Variants in SHISAL2A observed in about 807,000 individuals in gnomAD.
SHISAL2A encodes the protein protein shisa-like-2A.
SHISAL2A carries 18 observed loss-of-function variants against 11.5 expected under a neutral mutation model. The observed-to-expected ratio is 1.57, with a 90% CI of 1.08 to 2.33. SHISAL2A has a LOEUF of 2.33. Among genes scored for constraint, SHISAL2A ranks in the 30% most tolerant of loss-of-function variants. The probability of loss-of-function intolerance (pLI) is 0.00; values close to 1 mark genes in which losing one functional copy is unlikely to be tolerated. For synonymous variants in SHISAL2A, 94 were observed against 99.6 expected, an observed-to-expected ratio of 0.94 and a Z score of 0.34; for missense variants, 261 against 250.9, an observed-to-expected ratio of 1.04 and a Z score of -0.27.
At chr1:52,660,194 G>C (rs1014682662), downstream of SHISAL2A, among the ~76,000 whole-genome samples, 2 of 152,134 alleles carry the variant, frequency 1.3e-5, no homozygotes, top group Non-Finnish European at 2.9e-5. Flanking sequence ...AGAGAGATGT[G>C]GGGGAGACCG....
At chr1:52,657,152 A>G (rs1404163993), downstream of SHISAL2A, 2 of 1,398,452 alleles carry the variant, frequency 1.4e-6, no homozygotes, top group Non-Finnish European at 1.9e-6. Context: ...CTCCCAGCAA[A>G]GATACCCAGC....
At chr1:52,654,943 G>C (rs1691757631) in intron 2 of SHISAL2A, among the ~76,000 whole-genome samples, 1 of 152,192 alleles carries the variant, frequency 6.6e-6, no homozygotes, top group Non-Finnish European at 1.5e-5. Flanking sequence ...AGCACTTTGG[G>C]AGGCCCAGGT....
intron 1 of SHISAL2A, among the ~76,000 whole-genome samples, chr1:52,637,825 A>G (rs1007490765): frequency 5.9e-5 from 9 of 152,156 alleles, no homozygotes; most frequent in African/African-American, 1.7e-4. Context: ...TGTCCCTCCA[A>G]TTCTTTCTTA....
At chr1:52,662,784 T>C (rs902732930) in intron 4 of SHISAL2A, among the ~76,000 whole-genome samples, 3 of 152,176 alleles carry the variant, frequency 2.0e-5, no homozygotes, top group Non-Finnish European at 4.4e-5. Flanking sequence ...TCCTGGGCTC[T>C]AGGAACAAAG....
intron 2 of SHISAL2A, among the ~76,000 whole-genome samples, chr1:52,647,260 G>C (rs563694227): frequency 6.6e-6 from 1 of 152,116 alleles, no homozygotes; most frequent in Non-Finnish European, 1.5e-5. Flanking sequence ...GAAAAACAAA[G>C]TTACATATTG....
intron 1 of SHISAL2A, 67 bp from the exon 2 acceptor site, chr1:52,642,796 C>T (rs1691396313): frequency 6.6e-7 from 1 of 1,523,572 alleles, no homozygotes; most frequent in Non-Finnish European, 9.1e-7. Flanking sequence ...AGCTACAACA[C>T]TTTTATAACA....
At chr1:52,663,676 G>A (rs1478396420) in intron 4 of SHISAL2A, among the ~76,000 whole-genome samples, 5 of 152,136 alleles carry the variant, frequency 3.3e-5, no homozygotes, top group African/African-American at 1.2e-4. Flanking sequence ...CAGGAGAATC[G>A]CTTGAACCTG....
intron 2 of SHISAL2A, among the ~76,000 whole-genome samples, chr1:52,644,754 A>C (rs1434431781): frequency 6.6e-6 from 1 of 151,850 alleles, no homozygotes; most frequent in Non-Finnish European, 1.5e-5. Context: ...GCAGTGGCTC[A>C]TGCCTGTAAT....
chr1:52,637,069 A>G (rs1017430927), intron 1 of SHISAL2A, among the ~76,000 whole-genome samples: 1 of 152,116 alleles, frequency 6.6e-6, no homozygotes, highest in African/African-American at 2.4e-5. Context: ...CTGACGTGGC[A>G]TGCTTTAGTG....
intron 2 of SHISAL2A, among the ~76,000 whole-genome samples, chr1:52,649,134 C>T (rs1300454015): frequency 2.0e-5 from 3 of 152,192 alleles, no homozygotes; most frequent in Admixed American, 2.0e-4. Flanking sequence ...CTTCCCTCTG[C>T]ACCCAAAGCA....
chr1:52,641,108 C>T (rs1341658956), intron 1 of SHISAL2A, among the ~76,000 whole-genome samples: 2 of 152,174 alleles, frequency 1.3e-5, no homozygotes, highest in Non-Finnish European at 2.9e-5. Context: ...CTCCCTTATA[C>T]CTTGCCTTAT....
chr1:52,640,951 T>C (rs1311008235), intron 1 of SHISAL2A, among the ~76,000 whole-genome samples: 7 of 151,684 alleles, frequency 4.6e-5, no homozygotes. Flanking sequence ...AGAGGTTGAG[T>C]TGATCACCAA....
At position 52,633,293 on chromosome 1, in the gene SHISAL2A, G is replaced by A; in HGVS notation, c.-201G>A. On this transcript the variant is annotated 5_prime_UTR_variant, in exon 1 of 3. Coordinates refer to ENST00000517870, the MANE Select transcript of SHISAL2A (RefSeq NM_001042693.3). This position sits in a 1 kb window ranked among gnomAD's most constrained non-coding sequence, Gnocchi z 6.4. The stretch of plus-strand genomic sequence containing the variant: ...CCGCCCCGCCTGCCCCTACCCCTCC[G>A]CGCGGGCCGGGCACCTGGCCGCCGC... The A allele has an allele frequency of 2.2e-6, 1 of 462,572 alleles. No individual in the cohort carries two copies. Among genetic ancestry groups the A allele is most frequent in the Non-Finnish European group, 3.7e-6 (1 of 271,846 alleles). The allele number at this position is 462,572 out of a possible 1,614,324, so 28.7% of individuals were successfully genotyped here. A position where few individuals can be genotyped will look rare whatever the true frequency, so the allele number is the denominator to read the frequency against.
chr1:52,665,942 G>A (rs150219364), intron 4 of SHISAL2A, among the ~76,000 whole-genome samples: 2 of 152,300 alleles, frequency 1.3e-5, no homozygotes, highest in African/African-American at 4.8e-5. Flanking sequence ...GCTCACATGT[G>A]TGAACATGAC....
chr1:52,651,435 C>T (rs552389341), intron 2 of SHISAL2A, among the ~76,000 whole-genome samples: 3 of 152,198 alleles, frequency 2.0e-5, no homozygotes, highest in Admixed American at 6.5e-5. Context: ...CGGGGTTTCA[C>T]CATCTTGGCC....
intron 4 of SHISAL2A, among the ~76,000 whole-genome samples, chr1:52,662,641 G>GCC (rs148234950): frequency 1.3e-5 from 2 of 151,174 alleles, no homozygotes; most frequent in African/African-American, 4.9e-5. Context: ...GTGAGGTACC[G>GCC]CCCCCCCACC....
At chr1:52,666,526 G>A (rs1460649977) in intron 4 of SHISAL2A, among the ~76,000 whole-genome samples, 1 of 152,044 alleles carries the variant, frequency 6.6e-6, no homozygotes, top group Non-Finnish European at 1.5e-5. Context: ...ACCACCTGCT[G>A]TGTGACCTTA....
intron 1 of SHISAL2A, among the ~76,000 whole-genome samples, chr1:52,639,790 T>C (rs1010608641): frequency 6.6e-6 from 1 of 151,994 alleles, no homozygotes; most frequent in African/African-American, 2.4e-5. Flanking sequence ...CTAAAAGATC[T>C]GAAAACATTT....
intron 4 of SHISAL2A, among the ~76,000 whole-genome samples, chr1:52,664,357 A>AT (rs374012574): frequency 0.012 from 1,534 of 132,578 alleles, 26 homozygotes; most frequent in African/African-American, 0.039. Flanking sequence ...CGCCCAGCTA[A>AT]TTTTTTTTTT....
Sources: gnomAD v4.1 joint callset for allele counts (sites outside exome capture counted in the v4.1 genomes callset) on GRCh38, gnomAD v4.1.1 for gene constraint, Gnocchi (gnomAD v3.1) non-coding constraint, MANE v1.5 for transcripts, NCBI Gene and HGNC (gene_info 2026-07-23, HGNC 2026-07-21) for gene names.